Variants in TMEM63C observed in about 807,000 individuals in gnomAD.
TMEM63C encodes the protein transmembrane protein 63C.
A neutral mutation model predicts 99.2 loss-of-function variants in TMEM63C; 32 were observed. The observed-to-expected ratio is 0.32, with a 90% CI of 0.24 to 0.43. The LOEUF (loss-of-function observed/expected upper bound fraction) is 0.43. Among genes scored for constraint, TMEM63C ranks in the 20% least tolerant of loss-of-function variants. The pLI is 1.00. For missense variants in TMEM63C, 826 were observed against 1,053.0 expected (o/e 0.78, Z 2.98); for synonymous variants, 376 against 397.9 (o/e 0.94, Z 0.66).
intron 2 of TMEM63C, among the ~76,000 whole-genome samples, chr14:77,215,624 G>GAA (rs1157551517): frequency 7.1e-6 from 1 of 140,848 alleles, no homozygotes; most frequent in Non-Finnish European, 1.6e-5. Context: ...AAAAAGAAAA[G>GAA]AAAAGAAAAA....
intron 1 of TMEM63C, among the ~76,000 whole-genome samples, chr14:77,194,419 T>C (rs1888169353): frequency 6.6e-6 from 1 of 151,202 alleles, no homozygotes; most frequent in African/African-American, 2.4e-5. Context: ...TCGAGGAAAA[T>C]TTAGGAAATG....
chr14:77,246,538 A>G, intron 17 of TMEM63C, 71 bp from the exon 18 acceptor site: 1 of 1,324,354 alleles, frequency 7.6e-7, no homozygotes. Context: ...TGGGCAAGGG[A>G]GGATGGTTGA....
intron 12 of TMEM63C, among the ~76,000 whole-genome samples, chr14:77,240,242 G>C (rs1484562260): frequency 6.6e-6 from 1 of 152,194 alleles, no homozygotes; most frequent in Non-Finnish European, 1.5e-5. Flanking sequence ...GAAAGCCCCC[G>C]GGTACCCCTA....
chr14:77,215,443 A>G (rs1888562043), intron 2 of TMEM63C, among the ~76,000 whole-genome samples: 1 of 151,842 alleles, frequency 6.6e-6, no homozygotes, highest in Non-Finnish European at 1.5e-5. Flanking sequence ...TCTACTAAAA[A>G]TACAAAATTT....
At chr14:77,212,273 G>A (rs1888507556) in intron 1 of TMEM63C, 1 of 152,256 alleles carries the variant, frequency 6.6e-6, no homozygotes. Context: ...CTGAGGCTGA[G>A]ACAGATGAAG....
At chr14:77,236,514 G>A in intron 8 of TMEM63C, 110 bp from the exon 9 acceptor site, 1 of 750,396 alleles carries the variant, frequency 1.3e-6, no homozygotes, top group Non-Finnish European at 2.3e-6. Context: ...ACTGTGATGG[G>A]CTGGGGGGCC....
rs1263318197 is a variant in TMEM63C, at chr14:77,243,054, C to T, written c.1339C>T (p.Gln447Ter). 6.2e-7 allele frequency: 1 copy of T among 1,613,656 alleles called. No homozygotes were observed. The highest frequency in any genetic ancestry group is 8.5e-7 in the Non-Finnish European group (1 of 1,179,842). Residue 447 changes from glutamine (Q) to a stop codon, truncating the protein, a stop_gained and splice_region_variant, in exon 15 of 24, where the codon CAG becomes TAG. Coordinates refer to ENST00000298351, the MANE Select transcript of TMEM63C (RefSeq NM_020431.4). LOFTEE classifies it high-confidence loss of function. Reference sequence around the variant, plus strand: ...CGTCACCCGCCCCATCGAGAAGCTGCAGGTGCCTCCTCTGCTCAGGCCAGG... The same window carrying T: ...CGTCACCCGCCCCATCGAGAAGCTGTAGGTGCCTCCTCTGCTCAGGCCAGG... ...YNVTRPIEKLQNPIVTQFFPS... is the reference protein window; with the variant it reads ...YNVTRPIEKL
chr14:77,236,770 C>A, intron 9 of TMEM63C, 38 bp downstream of exon 9: 1 of 1,455,760 alleles, frequency 6.9e-7, no homozygotes, highest in Non-Finnish European at 9.6e-7. Context: ...CTGTGGGAAG[C>A]TGGGGTCCCT....
At chr14:77,230,553 T>C (rs1394332089) in intron 6 of TMEM63C, among the ~76,000 whole-genome samples, 1 of 152,156 alleles carries the variant, frequency 6.6e-6, no homozygotes, top group African/African-American at 2.4e-5. Flanking sequence ...GAGCGAGCAT[T>C]ACACCTGAGC....
At chr14:77,191,538 C>CTTTTTTTTTTTTTTTTTT (rs71125542) in intron 1 of TMEM63C, among the ~76,000 whole-genome samples, 52 of 82,606 alleles carry the variant, frequency 6.3e-4, no homozygotes, top group Non-Finnish European at 7.0e-4. Flanking sequence ...TTTTCTTTTT[C>CTTTTTTTTTTTTTTTTTT]TTTTTTTTTT....
At chr14:77,219,860 C>G in intron 4 of TMEM63C, 146 bp from the exon 5 acceptor site, 1 of 727,482 alleles carries the variant, frequency 1.4e-6, no homozygotes, top group South Asian at 1.8e-5. Context: ...GTGCCCAGAG[C>G]TGTGTGCTCA....
rs993108460 is a variant in TMEM63C, at chr14:77,249,309, T to C, written c.1889T>C (p.Met630Thr). 1 of 1,614,000 alleles carries C rather than the reference T, an allele frequency of 6.2e-7. No homozygotes were observed. The highest frequency in any genetic ancestry group is 2.2e-5 in the East Asian group (1 of 44,880). The change falls in exon 21 of 24, where the codon ATG becomes ACG. Residue 630 changes from methionine to threonine, a missense_variant. Transcript: ENST00000298351. ...CCCCCAGGGTTGCTCTACCTGTGCA[T>C]GAAGCACTTGACGGATCGCTATAAC... ...IVPFGLLYLCMKHLTDRYNMY... is the reference protein window; with the variant it reads ...IVPFGLLYLCTKHLTDRYNMY...
At chr14:77,209,009 T>C (rs1236551503) in intron 1 of TMEM63C, among the ~76,000 whole-genome samples, 1 of 151,884 alleles carries the variant, frequency 6.6e-6, no homozygotes, top group Non-Finnish European at 1.5e-5. Flanking sequence ...CAGGAGTGAC[T>C]GCAGCGGAGG....
At chr14:77,225,790 G>T (rs1469589750) in intron 6 of TMEM63C, among the ~76,000 whole-genome samples, 1 of 152,062 alleles carries the variant, frequency 6.6e-6, no homozygotes, top group African/African-American at 2.4e-5. Flanking sequence ...TGTGCTATCT[G>T]CTTGATTTCT....
intron 18 of TMEM63C, among the ~76,000 whole-genome samples, chr14:77,247,951 A>G (rs771477340): frequency 2.0e-5 from 3 of 152,180 alleles, no homozygotes; most frequent in Non-Finnish European, 1.5e-5. Flanking sequence ...TTTCAGTTAG[A>G]GATTAGTGAA....
At chr14:77,245,760 A>G (rs567030078) in intron 16 of TMEM63C, among the ~76,000 whole-genome samples, 180 bp from the exon 17 acceptor site, 12 of 152,282 alleles carry the variant, frequency 7.9e-5, no homozygotes, top group African/African-American at 2.2e-4. Flanking sequence ...CCATAATTCA[A>G]TCATCTCCCA....
chr14:77,196,424 C>T (rs1888215502), intron 1 of TMEM63C, among the ~76,000 whole-genome samples: 1 of 152,232 alleles, frequency 6.6e-6, no homozygotes, highest in South Asian at 2.1e-4. Context: ...GGCCTAACCC[C>T]ATTCTGAAGG....
At position 77,194,334 on chromosome 14, in the gene TMEM63C, A is replaced by ATGTG. The variant is rs756163017; in HGVS notation, c.-77+12441_-77+12442insGTGT. Among the ~76,000 whole-genome samples the ATGTG allele has an allele frequency of 9.5e-3, 684 of 71,958 alleles. 4 individuals are homozygous for ATGTG. The highest frequency in any genetic ancestry group is 0.024 in the South Asian group (28 of 1,150). 47.2% of individuals were successfully genotyped at this position (71,958 alleles called of 152,430 possible). Reference sequence around the variant, plus strand: ...TAAAGATGCAGGCATAGATATATATATATGTGTGTGTGTGTGTGTGTGTGT... The same window carrying ATGTG: ...TAAAGATGCAGGCATAGATATATATATGTGTATGTGTGTGTGTGTGTGTGTGTGT... On this transcript the variant is annotated intron_variant, in intron 1 of 23. Coordinates refer to ENST00000298351, the MANE Select transcript of TMEM63C (RefSeq NM_020431.4).
intron 5 of TMEM63C, 108 bp downstream of exon 5, chr14:77,220,195 A>T: frequency 9.6e-7 from 1 of 1,040,990 alleles, no homozygotes. Flanking sequence ...GTAATCAGCC[A>T]GCCTCAACCA....
Sources: allele counts gnomAD v4.1 joint callset (sites outside exome capture counted in the v4.1 genomes callset), GRCh38; gene constraint gnomAD v4.1.1; transcripts MANE v1.5; gene names NCBI Gene and HGNC (gene_info 2026-07-23, HGNC 2026-07-21).